P2RY12: variants seen among roughly 807,000 people sequenced by gnomAD.
P2RY12 encodes the protein P2Y purinoceptor 12.
In P2RY12, 3 loss-of-function variants were observed where a neutral mutation model predicts 4.5. That is an observed-to-expected ratio of 0.67 (90% confidence interval 0.31 to 1.74). The LOEUF (loss-of-function observed/expected upper bound fraction) is 1.74, where lower values mean the gene tolerates loss of function less well. Ranked by LOEUF, P2RY12 falls within the 40% of genes most tolerant of loss-of-function variation. The pLI is 0.09. For synonymous variants in P2RY12, 148 were observed against 154.1 expected, an observed-to-expected ratio of 0.96 and a Z score of 0.29; for missense variants, 356 against 407.8, an observed-to-expected ratio of 0.87 and a Z score of 1.09.
At position 151,369,412 on chromosome 3, in the gene P2RY12, A is replaced by G. The variant is rs998301767; in HGVS notation, c.-180+15280T>C. 2.0e-5 allele frequency: 30 copies of G among 1,481,470 alleles called. 1 individual carries two copies. The highest frequency in any genetic ancestry group is 3.5e-4 in the Middle Eastern group (2 of 5,724). The allele number at this position is 1,481,470 out of a possible 1,614,324, so 91.8% of individuals were successfully genotyped here. On this transcript the variant is annotated intron_variant, in intron 1 of 2. Coordinates refer to ENST00000302632, the MANE Select transcript of P2RY12 (RefSeq NM_022788.5). ...CATTACTAATGATGGTAATGAGACT[A>G]TTAAAGATTTGTTGTTTTTGTAGGC...
At chr3:151,351,156 T>G (rs368615967) in intron 1 of P2RY12, among the ~76,000 whole-genome samples, 10 of 152,174 alleles carry the variant, frequency 6.6e-5, no homozygotes, top group African/African-American at 2.4e-4. Flanking sequence ...TTCCTAGACT[T>G]TAGCAGGATA....
At chr3:151,361,013 T>C (rs1271334269) in intron 1 of P2RY12, among the ~76,000 whole-genome samples, 1 of 152,104 alleles carries the variant, frequency 6.6e-6, no homozygotes, top group Admixed American at 6.6e-5. Context: ...ATTATAAATC[T>C]AATAGAAAGA....
At chr3:151,364,079 T>C (rs888022180) in intron 1 of P2RY12, among the ~76,000 whole-genome samples, 10 of 152,150 alleles carry the variant, frequency 6.6e-5, no homozygotes, top group Non-Finnish European at 1.5e-4. Context: ...AAACAGACTT[T>C]CTGATGCATA....
Position 151,342,360 on chromosome 3 carries a change from G to A in P2RY12, c.-179-1600C>T, listed in dbSNP as rs141070654. Among the ~76,000 whole-genome samples, 5 of 152,306 alleles carry A rather than the reference G, an allele frequency of 3.3e-5. No individual in the cohort carries two copies. In the East Asian group the frequency reaches 5.8e-4, roughly 18 times the overall value. ...GTGTTGGTGCCTTTGCTGTGAACACGTTTTGGTTTTTTCTTCTGCGTTTTG... is the reference window on the plus strand; with the variant it reads ...GTGTTGGTGCCTTTGCTGTGAACACATTTTGGTTTTTTCTTCTGCGTTTTG... On this transcript the variant is annotated intron_variant, in intron 1 of 2. Transcript: ENST00000302632.
chr3:151,343,109 G>T (rs1004058632), intron 1 of P2RY12, among the ~76,000 whole-genome samples: 6 of 152,136 alleles, frequency 3.9e-5, no homozygotes, highest in African/African-American at 1.4e-4. Flanking sequence ...CCAGTAGTGA[G>T]AAGTGAATCT....
At chr3:151,361,603 A>G (rs981404506) in intron 1 of P2RY12, among the ~76,000 whole-genome samples, 1 of 152,112 alleles carries the variant, frequency 6.6e-6, no homozygotes, top group African/African-American at 2.4e-5. Flanking sequence ...AGAAAGTTGT[A>G]TTTTTATAAA....
At chr3:151,377,148 C>T (rs780477952) in intron 1 of P2RY12, 56 of 1,613,350 alleles carry the variant, frequency 3.5e-5, no homozygotes, top group African/African-American at 5.3e-5. Context: ...ACAAGTAGCA[C>T]GAGACAGAAT....
rs531773659 is a variant in P2RY12, at chr3:151,365,629, ATTATTGT to A, written c.-180+19056_-180+19062del. On this transcript the variant is annotated intron_variant, in intron 1 of 2. Transcript: ENST00000302632. Reference sequence around the variant, plus strand: ...AATATTCTAATTCGTGTATGTACTGATTATTGTTTGTTGCTTAACAGCATTGTCAAAA... The same window carrying A: ...AATATTCTAATTCGTGTATGTACTGATTGTTGCTTAACAGCATTGTCAAAA... Among the ~76,000 whole-genome samples the A allele has an allele frequency of 6.7e-3, 1,022 of 152,286 alleles. 9 individuals carry two copies. The highest frequency in any genetic ancestry group is 0.023 in the South Asian group (111 of 4,832).
rs1407336472 is a variant in P2RY12, at chr3:151,348,353, AAAAAAAAAAAG to A, written c.-179-7604_-179-7594del. 8.6e-5 allele frequency among the ~76,000 whole-genome samples: 6 copies of A among 69,988 alleles called. No individual in the cohort carries two copies. In the East Asian group the frequency reaches 2.4e-3, roughly 29 times the overall value. 45.9% of individuals were successfully genotyped at this position (69,988 alleles called of 152,430 possible). A position where few individuals can be genotyped will look rare whatever the true frequency, so the allele number is the denominator to read the frequency against. On this transcript the variant is annotated intron_variant, in intron 1 of 2. Transcript: ENST00000302632. ...AAACCACCAGACCAAAAAAAAAAAA[AAAAAAAAAAAG>A]AAAAAAGAAATATATCAGTAATTCT... is the stretch of plus-strand genomic sequence containing the variant.
intron 1 of P2RY12, among the ~76,000 whole-genome samples, chr3:151,354,197 A>G (rs915762895): frequency 4.0e-5 from 6 of 150,884 alleles, no homozygotes; most frequent in Non-Finnish European, 1.5e-5. Flanking sequence ...ATTATCAATC[A>G]TATATCCAAC....
chr3:151,375,184 T>G (rs1462050020), intron 1 of P2RY12, among the ~76,000 whole-genome samples: 1 of 152,220 alleles, frequency 6.6e-6, no homozygotes, highest in Non-Finnish European at 1.5e-5. Context: ...CCACCTGAGT[T>G]TGACTTAATT....
intron 1 of P2RY12, chr3:151,355,897 T>G: frequency 6.2e-7 from 1 of 1,607,840 alleles, no homozygotes; most frequent in Non-Finnish European, 8.5e-7. Flanking sequence ...TTTGCACAGA[T>G]TTCTAACAAT....
intron 1 of P2RY12, among the ~76,000 whole-genome samples, chr3:151,362,400 C>T (rs1754721617): frequency 6.6e-6 from 1 of 152,076 alleles, no homozygotes; most frequent in Non-Finnish European, 1.5e-5. Context: ...CTTTACTGAT[C>T]AAACACTCTA....
intron 1 of P2RY12, among the ~76,000 whole-genome samples, chr3:151,374,693 C>A (rs970270720): frequency 6.6e-6 from 1 of 152,122 alleles, no homozygotes; most frequent in African/African-American, 2.4e-5. Flanking sequence ...TGAACTTTTC[C>A]CATCCCTATG....
intron 1 of P2RY12, chr3:151,360,696 A>C: frequency 8.2e-7 from 1 of 1,214,904 alleles, no homozygotes; most frequent in Non-Finnish European, 1.2e-6. Context: ...TGAATAATGA[A>C]AGCTAATTGC....
At chr3:151,380,733 A>G (rs1251821857) in intron 1 of P2RY12, among the ~76,000 whole-genome samples, 1 of 152,230 alleles carries the variant, frequency 6.6e-6, no homozygotes, top group Admixed American at 6.5e-5. Flanking sequence ...TGAGATATAT[A>G]CAATAAATGT....
At chr3:151,353,441 C>G (rs977605602) in intron 1 of P2RY12, among the ~76,000 whole-genome samples, 2 of 152,146 alleles carry the variant, frequency 1.3e-5, no homozygotes, top group African/African-American at 4.8e-5. Context: ...TTTGTTAGTT[C>G]CTAATCTTTG....
chr3:151,369,279 G>A (rs951619892), intron 1 of P2RY12, among the ~76,000 whole-genome samples: 5 of 152,190 alleles, frequency 3.3e-5, no homozygotes, highest in Non-Finnish European at 5.9e-5. Context: ...AGGAATACTG[G>A]CCATGTTTCT....
At chr3:151,346,081 C>T (rs9875152) in intron 1 of P2RY12, among the ~76,000 whole-genome samples, 65,257 of 151,974 alleles carry the variant, frequency 0.43, 14,422 homozygotes, top group Middle Eastern at 0.63. Context: ...GACTTTGTTC[C>T]TTGGCCCAAC....
Sources: allele counts gnomAD v4.1 joint callset (sites outside exome capture counted in the v4.1 genomes callset), GRCh38; gene constraint gnomAD v4.1.1; transcripts MANE v1.5; gene names NCBI Gene and HGNC (gene_info 2026-07-23, HGNC 2026-07-21).